ZBTB38: variants seen among roughly 807,000 people sequenced by gnomAD.
ZBTB38 encodes zinc finger and BTB domain-containing protein 38.
Under a neutral mutation model 76.8 loss-of-function variants are expected in ZBTB38, and 20 were observed. The ratio of observed to expected loss-of-function variants is 0.26; its 90% CI spans 0.18 to 0.38. The LOEUF (loss-of-function observed/expected upper bound fraction) is 0.38, where lower values mean the gene tolerates loss of function less well. Ranked by LOEUF, ZBTB38 falls within the 10% of genes least tolerant of loss-of-function variation. The pLI, the probability that ZBTB38 is intolerant of heterozygous loss-of-function variation, is 1.00. For missense variants in ZBTB38, 1,082 were observed against 1,482.3 expected (o/e 0.73, Z 4.43); for synonymous variants, 504 against 544.2 (o/e 0.93, Z 1.03).
chr3:141,329,402 C>T (rs999017696), intron 1 of ZBTB38, among the ~76,000 whole-genome samples: 3 of 152,196 alleles, frequency 2.0e-5, no homozygotes, highest in Non-Finnish European at 4.4e-5. Flanking sequence ...TTTTATTTCC[C>T]TCGGAGCGGC....
chr3:141,434,726 AAT>A (rs1273362753), intron 5 of ZBTB38, among the ~76,000 whole-genome samples: 1 of 152,122 alleles, frequency 6.6e-6, no homozygotes, highest in Admixed American at 6.5e-5. Context: ...CTAATTATAA[AAT>A]ATGTTTATCA....
rs751862104 is a variant in ZBTB38, at chr3:141,413,097, A to G, written c.-1+9066A>G. On this transcript the variant is annotated intron_variant, in intron 5 of 5. Coordinates refer to ENST00000321464, the MANE Select transcript of ZBTB38 (RefSeq NM_001376113.1). This position sits in a 1 kb window ranked among gnomAD's most constrained non-coding sequence, Gnocchi z 4.1. ...AACATGGGAGGAGGAATTGTGGGAAATGGGGAAGAAGAAAATGTTTGTGCA... is the reference window on the plus strand; with the variant it reads ...AACATGGGAGGAGGAATTGTGGGAAGTGGGGAAGAAGAAAATGTTTGTGCA... Among the ~76,000 whole-genome samples the G allele has an allele frequency of 2.0e-5, 3 of 152,202 alleles. No individual in the cohort carries two copies. The highest frequency in any genetic ancestry group is 4.4e-5 in the Non-Finnish European group (3 of 68,038).
At position 141,445,465 on chromosome 3, in the gene ZBTB38, A is replaced by G. The variant is rs757453565; in HGVS notation, c.3077A>G (p.Lys1026Arg). The G allele has an allele frequency of 6.2e-7, 1 of 1,614,054 alleles. No individual in the cohort carries two copies. The highest frequency in any genetic ancestry group is 1.3e-5 in the African/African-American group (1 of 74,928). Residue 1026 changes from lysine to arginine, a missense_variant, in exon 6 of 6, where the codon AAA (lysine) becomes AGA (arginine). Coordinates refer to ENST00000321464, the MANE Select transcript of ZBTB38 (RefSeq NM_001376113.1). This position sits in a 1 kb window ranked among gnomAD's most constrained non-coding sequence, Gnocchi z 6.5. ...AKQFQSPSTL[K>R]MHMRCHTGEK... ...CAGTTCCAGAGCCCTTCCACACTCAAAATGCACATGAGATGTCACACCGGG... is the reference window on the plus strand; with the variant it reads ...CAGTTCCAGAGCCCTTCCACACTCAGAATGCACATGAGATGTCACACCGGG...
chr3:141,437,353 ACT>A (rs2079038793), intron 5 of ZBTB38, among the ~76,000 whole-genome samples: 1 of 150,806 alleles, frequency 6.6e-6, no homozygotes, highest in Admixed American at 6.6e-5. Flanking sequence ...TGCCTCCCTT[ACT>A]CTCTGTTGAA....
intron 1 of ZBTB38, among the ~76,000 whole-genome samples, chr3:141,360,696 C>T (rs911214465): frequency 4.6e-5 from 7 of 152,214 alleles, no homozygotes; most frequent in East Asian, 1.9e-4. Context: ...TTCTTCACCT[C>T]GGCACTATCG....
chr3:141,397,222 A>T (rs1950551567), intron 4 of ZBTB38, among the ~76,000 whole-genome samples: 1 of 152,208 alleles, frequency 6.6e-6, no homozygotes, highest in Admixed American at 6.5e-5. Flanking sequence ...CTTTTATGTT[A>T]TGGAGACAGC....
intron 1 of ZBTB38, among the ~76,000 whole-genome samples, chr3:141,347,917 T>C (rs1033787677): frequency 6.6e-6 from 1 of 152,242 alleles, no homozygotes; most frequent in African/African-American, 2.4e-5. Context: ...CTCTATATTA[T>C]ATTCCTTCTG....
intron 4 of ZBTB38, chr3:141,387,270 C>T (rs979853032): frequency 3.3e-5 from 5 of 151,494 alleles, no homozygotes; most frequent in Non-Finnish European, 7.4e-5. Context: ...TTTAACAAAA[C>T]CAAAACCCCC....
chr3:141,342,450 T>C (rs545356864), intron 1 of ZBTB38, among the ~76,000 whole-genome samples: 2 of 150,886 alleles, frequency 1.3e-5, no homozygotes, highest in South Asian at 4.2e-4. Flanking sequence ...TATATACGTT[T>C]ATTAATTATA....
chr3:141,444,532 C>T lies in ZBTB38; in HGVS notation c.2144C>T (p.Ser715Leu), dbSNP rs776417885. 5.0e-6 allele frequency: 8 copies of T among 1,614,152 alleles called. No individual in the cohort carries two copies. The Admixed American group carries it at 5.0e-5, about 10-fold the overall frequency. Reference sequence around the variant, plus strand: ...ATCAGCTACAGTGGCTCTGCACCCTCGGTCATTGTACACAGCAGCCAGTTT... The same window carrying T: ...ATCAGCTACAGTGGCTCTGCACCCTTGGTCATTGTACACAGCAGCCAGTTT... ...SVISYSGSAP[S>L]VIVHSSQFSS... Residue 715 changes from serine to leucine, a missense_variant, in exon 6 of 6, where the codon TCG becomes TTG. Ser to Leu is a moderately radical substitution (Grantham distance 145, BLOSUM62 -2). Coordinates refer to ENST00000321464, the MANE Select transcript of ZBTB38 (RefSeq NM_001376113.1). The surrounding 1 kb of genome is among the most constrained non-coding windows in gnomAD (Gnocchi z 5.1).
intron 5 of ZBTB38, chr3:141,432,072 A>T: frequency 1.0e-6 from 1 of 985,424 alleles, no homozygotes; most frequent in Non-Finnish European, 1.2e-6. Context: ...ACTTTGAGAA[A>T]ATATACTGTA....
chr3:141,356,443 C>T (rs1943666476), intron 1 of ZBTB38, among the ~76,000 whole-genome samples: 1 of 152,078 alleles, frequency 6.6e-6, no homozygotes, highest in African/African-American at 2.4e-5. Context: ...TTAGGAAAGA[C>T]AGTAGGGTAA....
At position 141,410,858 on chromosome 3, in the gene ZBTB38, G is replaced by A. The variant is rs189307139; in HGVS notation, c.-1+6827G>A. On this transcript the variant is annotated intron_variant, in intron 5 of 5. Transcript: ENST00000321464. ...AGGGAGAGAGGAAGACCCAGCTTGC[G>A]CACCCCTATTTTTCTGGCCACTACT... Among the ~76,000 whole-genome samples the A allele has an allele frequency of 2.1e-4, 32 of 152,218 alleles. 1 individual carries two copies. Among genetic ancestry groups the A allele is most frequent in the East Asian group, 9.6e-4 (5 of 5,186 alleles).
Position 141,445,326 on chromosome 3 carries a change from C to T in ZBTB38, c.2938C>T (p.Pro980Ser). ...TGAGGAAGAAGAAACTAAAGAGATG[C>T]CCAAGCTGCAGTGTGAACTCTGTGA... Reference protein sequence around the residue: ...PFEEEETKEMPKLQCELCDGD... With the variant: ...PFEEEETKEMSKLQCELCDGD... Residue 980 changes from proline to serine, a missense_variant, in exon 6 of 6, where the codon CCC (proline) becomes TCC (serine). Physicochemically the swap from Pro to Ser is moderately conservative, Grantham distance 74. This residue lies in a region of ZBTB38 where 471 missense variants were observed against 581.0 expected (regional missense o/e 0.81). Coordinates refer to ENST00000321464, the MANE Select transcript of ZBTB38 (RefSeq NM_001376113.1). The surrounding 1 kb of genome is among the most constrained non-coding windows in gnomAD (Gnocchi z 6.5). The T allele has an allele frequency of 1.2e-6, 2 of 1,614,124 alleles. No individual in the cohort carries two copies. The highest frequency in any genetic ancestry group is 8.5e-7 in the Non-Finnish European group (1 of 1,180,026).
intron 1 of ZBTB38, among the ~76,000 whole-genome samples, chr3:141,357,303 C>G (rs930917176): frequency 1.3e-5 from 2 of 151,968 alleles, no homozygotes; most frequent in Non-Finnish European, 2.9e-5. Flanking sequence ...TTATTATTCT[C>G]CTGAAAATAT....
At chr3:141,417,473 C>T (rs1373827101) in intron 5 of ZBTB38, among the ~76,000 whole-genome samples, 1 of 152,212 alleles carries the variant, frequency 6.6e-6, no homozygotes, top group Non-Finnish European at 1.5e-5. Context: ...GTAGAACAGG[C>T]ACGTCAGTCA....
chr3:141,331,689 A>G lies in ZBTB38; in HGVS notation c.-739+7233A>G, dbSNP rs144092566. ...GTATTCCTTAGGCTGCAAGTGTGTC[A>G]TAGTAAGCTGAGGCTGAGCCTGAGG... On this transcript the variant is annotated intron_variant, in intron 1 of 7. Coordinates refer to the ZBTB38 transcript ENST00000509842. Among the ~76,000 whole-genome samples the G allele has an allele frequency of 6.5e-3, 995 of 152,308 alleles. 13 individuals are homozygous for G. Among genetic ancestry groups the G allele is most frequent in the African/African-American group, 0.023 (935 of 41,544 alleles).
chr3:141,347,729 C>A (rs1943404748), intron 1 of ZBTB38, among the ~76,000 whole-genome samples: 2 of 152,276 alleles, frequency 1.3e-5, no homozygotes. Flanking sequence ...GTAGCAGAGG[C>A]CTGGCTCCAG....
In ZBTB38 at chr3:141,449,659, G is replaced by A. The variant is rs2081355648; in HGVS notation, c.*3683G>A. The A allele has an allele frequency of 6.6e-6, 1 of 152,048 alleles. No individual in the cohort carries two copies. Among genetic ancestry groups the A allele is most frequent in the African/African-American group, 2.4e-5 (1 of 41,378 alleles). 9.4% of individuals were successfully genotyped at this position (152,048 alleles called of 1,614,324 possible). On this transcript the variant is annotated 3_prime_UTR_variant, in exon 6 of 6. Coordinates refer to ENST00000321464, the MANE Select transcript of ZBTB38 (RefSeq NM_001376113.1). ...CAGTAGCATCAATTTTGTATTGGAAGGGCAATCCAAACCAGATTCACCAAA... is the reference window on the plus strand; with the variant it reads ...CAGTAGCATCAATTTTGTATTGGAAAGGCAATCCAAACCAGATTCACCAAA...
Sources: allele counts gnomAD v4.1 joint callset (sites outside exome capture counted in the v4.1 genomes callset), GRCh38; gene constraint gnomAD v4.1.1; regional missense constraint gnomAD v4.1.1; non-coding constraint Gnocchi (gnomAD v3.1); transcripts MANE v1.5; gene names NCBI Gene and HGNC (gene_info 2026-07-23, HGNC 2026-07-21).